Variants in CTDSPL2 observed in about 807,000 individuals in gnomAD.
CTDSPL2 encodes the protein CTD small phosphatase like 2, also known as CTD small phosphatase-like protein 2.
In CTDSPL2, 5 loss-of-function variants were observed where a neutral mutation model predicts 60.0. The observed-to-expected ratio is 0.08, with a 90% CI of 0.04 to 0.18. The LOEUF (loss-of-function observed/expected upper bound fraction) is 0.18. Among genes scored for constraint, CTDSPL2 ranks in the 10% least tolerant of loss-of-function variants. The pLI is 1.00. For synonymous variants in CTDSPL2, 186 were observed against 189.3 expected (o/e 0.98, Z 0.14); for missense variants, 370 against 548.8 (o/e 0.67, Z 3.26).
At position 44,486,644 on chromosome 15, in the gene CTDSPL2, T is replaced by C. The variant is rs1191594602; in HGVS notation, c.419T>C (p.Leu140Ser). Residue 140 changes from leucine to serine, a missense_variant, in exon 4 of 13, where the codon TTG becomes TCG. This residue lies in a region of CTDSPL2 where 287 missense variants were observed against 296.1 expected (regional missense o/e 0.97). Transcript: ENST00000260327. Reference sequence around the variant, plus strand: ...TCTGGCAGTCCTCCAAGGACTACTTTGTTGGGGACCATATTTTCACCTGTC... The same window carrying C: ...TCTGGCAGTCCTCCAAGGACTACTTCGTTGGGGACCATATTTTCACCTGTC... ...PSSGSPPRTTLLGTIFSPVFN... is the reference protein window; with the variant it reads ...PSSGSPPRTTSLGTIFSPVFN... The C allele has an allele frequency of 6.3e-7, 1 of 1,597,644 alleles. No individual in the cohort carries two copies. Among genetic ancestry groups the C allele is most frequent in the Non-Finnish European group, 8.5e-7 (1 of 1,174,042 alleles).
At chr15:44,483,735 T>C (rs2081070872) in intron 2 of CTDSPL2, among the ~76,000 whole-genome samples, 1 of 152,170 alleles carries the variant, frequency 6.6e-6, no homozygotes, top group Non-Finnish European at 1.5e-5. Context: ...TTTATTCTGG[T>C]AATTGAATAA....
chr15:44,475,601 T>C lies in CTDSPL2; in HGVS notation c.187-8623T>C, dbSNP rs185859038. 2.7e-4 allele frequency among the ~76,000 whole-genome samples: 40 copies of C among 148,926 alleles called. No homozygotes were observed. In the East Asian group the frequency reaches 2.8e-3, roughly 10 times the overall value. Reference sequence around the variant, plus strand: ...TTGCAGTGAGCTGAGATCATGCCACTGCACTCCAGCCTGGGCAACAGAACA... The same window carrying C: ...TTGCAGTGAGCTGAGATCATGCCACCGCACTCCAGCCTGGGCAACAGAACA... On this transcript the variant is annotated intron_variant, in intron 2 of 12. Coordinates refer to ENST00000260327, the MANE Select transcript of CTDSPL2 (RefSeq NM_016396.3).
At chr15:44,428,905 C>T (rs1454056442) in intron 1 of CTDSPL2, among the ~76,000 whole-genome samples, 1 of 151,564 alleles carries the variant, frequency 6.6e-6, no homozygotes, top group Non-Finnish European at 1.5e-5. Context: ...ACATTGCAGA[C>T]CAATTGTTCA....
intron 2 of CTDSPL2, among the ~76,000 whole-genome samples, chr15:44,477,252 G>T (rs920039580): frequency 5.3e-5 from 8 of 152,044 alleles, no homozygotes; most frequent in Non-Finnish European, 1.2e-4. Flanking sequence ...AGAAAAGGGG[G>T]CCAGGCTCAG....
At chr15:44,484,634 G>A (rs1230423172) in intron 3 of CTDSPL2, among the ~76,000 whole-genome samples, 1 of 152,176 alleles carries the variant, frequency 6.6e-6, no homozygotes. Flanking sequence ...CAGCTACTCA[G>A]GTGGCTGAAG....
In CTDSPL2 at chr15:44,459,191, C is replaced by G; in HGVS notation, c.177C>G (p.Ser59Arg). 3 of 1,603,926 alleles carry G rather than the reference C, an allele frequency of 1.9e-6. No individual in the cohort carries two copies. The highest frequency in any genetic ancestry group is 2.6e-6 in the Non-Finnish European group (3 of 1,175,268). ...CAATTAAAAAATTTATTAAAGGAAG[C>G]ACACCTAAGGTAATGATTTTACCAT... is the stretch of plus-strand genomic sequence containing the variant. ...LSSIKKFIKG[S>R]TPKEERENPS... Residue 59 changes from serine (S) to arginine (R), a missense_variant, in exon 2 of 13, where the codon AGC becomes AGG. Around this residue, in one of 6 missense-constraint regions of CTDSPL2, gnomAD observed 287 missense variants for 296.1 expected, o/e 0.97. Coordinates refer to ENST00000260327, the MANE Select transcript of CTDSPL2 (RefSeq NM_016396.3).
At chr15:44,507,403 G>A (rs1477518512) in intron 8 of CTDSPL2, among the ~76,000 whole-genome samples, 1 of 151,976 alleles carries the variant, frequency 6.6e-6, no homozygotes, top group East Asian at 1.9e-4. Context: ...TTTAATTTAG[G>A]GATTTTTTGT....
chr15:44,491,684 G>T (rs1211299610), intron 5 of CTDSPL2, among the ~76,000 whole-genome samples: 1 of 152,178 alleles, frequency 6.6e-6, no homozygotes. Context: ...TTGTTTGTTT[G>T]TGTTTGTTGT....
At chr15:44,456,732 C>G (rs183366916) in intron 1 of CTDSPL2, among the ~76,000 whole-genome samples, 1 of 151,508 alleles carries the variant, frequency 6.6e-6, no homozygotes, top group Admixed American at 6.6e-5. Flanking sequence ...TTTTTTGTGT[C>G]TCTATCTCCC....
intron 2 of CTDSPL2, among the ~76,000 whole-genome samples, chr15:44,464,308 G>A (rs1428107045): frequency 1.3e-5 from 2 of 152,154 alleles, no homozygotes; most frequent in African/African-American, 4.8e-5. Flanking sequence ...GGAAGCTGAG[G>A]CACAGGGAGG....
At chr15:44,448,644 C>T in intron 1 of CTDSPL2, 1 of 318,726 alleles carries the variant, frequency 3.1e-6, no homozygotes, top group Non-Finnish European at 6.2e-6. Flanking sequence ...TCCTCCATTT[C>T]TCCCATTTTA....
intron 8 of CTDSPL2, among the ~76,000 whole-genome samples, chr15:44,510,578 T>C (rs1206425521): frequency 1.3e-5 from 2 of 152,126 alleles, no homozygotes; most frequent in Non-Finnish European, 2.9e-5. Flanking sequence ...CTTTTGGCCT[T>C]TGGGAGATTA....
At chr15:44,473,858 T>C (rs935676627) in intron 2 of CTDSPL2, among the ~76,000 whole-genome samples, 3 of 152,356 alleles carry the variant, frequency 2.0e-5, no homozygotes, top group Middle Eastern at 3.4e-3. Context: ...TAAGTCTTTT[T>C]AACTTTAGTC....
chr15:44,504,054 CAA>C (rs1244207534), intron 8 of CTDSPL2, among the ~76,000 whole-genome samples: 1 of 152,016 alleles, frequency 6.6e-6, no homozygotes, highest in Non-Finnish European at 1.5e-5. Flanking sequence ...TATCACAGAA[CAA>C]GAGAAGTAGA....
At chr15:44,468,735 T>A (rs1595728932) in intron 2 of CTDSPL2, among the ~76,000 whole-genome samples, 3 of 152,032 alleles carry the variant, frequency 2.0e-5, no homozygotes, top group Admixed American at 1.3e-4. Context: ...AGTTCCCCCC[T>A]ATCTTTGGTT....
intron 2 of CTDSPL2, among the ~76,000 whole-genome samples, chr15:44,472,002 A>G (rs1452079276): frequency 1.3e-5 from 2 of 151,948 alleles, no homozygotes; most frequent in Non-Finnish European, 2.9e-5. Context: ...AACAAAGTAC[A>G]TCCATGTTGT....
intron 2 of CTDSPL2, among the ~76,000 whole-genome samples, chr15:44,462,341 C>T (rs552413744): frequency 1.3e-5 from 2 of 152,196 alleles, no homozygotes; most frequent in South Asian, 2.1e-4. Context: ...AACAGCAGTC[C>T]CCAACCGTTT....
intron 1 of CTDSPL2, among the ~76,000 whole-genome samples, chr15:44,457,156 C>T (rs1056656411): frequency 1.3e-5 from 2 of 152,158 alleles, no homozygotes; most frequent in Non-Finnish European, 2.9e-5. Context: ...GGATTACAGG[C>T]GTGAGCCACT....
chr15:44,518,219 A>AACTTAC (rs1402326506), intron 10 of CTDSPL2, among the ~76,000 whole-genome samples: 45 of 152,346 alleles, frequency 3.0e-4, no homozygotes, highest in Middle Eastern at 3.4e-3. Flanking sequence ...TGATTAAGAC[A>AACTTAC]CAAGGAAGAC....
Sources: gnomAD v4.1 joint callset for allele counts (sites outside exome capture counted in the v4.1 genomes callset) on GRCh38, gnomAD v4.1.1 for gene constraint, gnomAD v4.1.1 regional missense constraint, MANE v1.5 for transcripts, NCBI Gene and HGNC (gene_info 2026-07-23, HGNC 2026-07-21) for gene names.